Variants in CFAP299 observed in about 807,000 individuals in gnomAD.
CFAP299 encodes cilia and flagella associated protein 299, also known as cilia- and flagella-associated protein 299.
A neutral mutation model predicts 27.0 loss-of-function variants in CFAP299; 21 were observed. That is an observed-to-expected ratio of 0.78 (90% confidence interval 0.55 to 1.12). CFAP299 has a LOEUF of 1.12. Among genes scored for constraint, CFAP299 ranks in the 50% most tolerant of loss-of-function variants. The pLI, the probability that CFAP299 is intolerant of heterozygous loss-of-function variation, is 0.00. For missense variants in CFAP299, 310 were observed against 276.6 expected (o/e 1.12, Z -0.86); for synonymous variants, 104 against 98.1 (o/e 1.06, Z -0.36).
chr4:80,794,920 C>A (rs1727765281), intron 3 of CFAP299, among the ~76,000 whole-genome samples: 1 of 152,116 alleles, frequency 6.6e-6, no homozygotes, highest in African/African-American at 2.4e-5. Context: ...GCAAATGGGG[C>A]ACTCAACAGT....
chr4:80,342,300 G>A (rs185484570), intron 1 of CFAP299, among the ~76,000 whole-genome samples: 56 of 152,128 alleles, frequency 3.7e-4, no homozygotes, highest in African/African-American at 1.3e-3. Flanking sequence ...CAACATTCAG[G>A]TTCAGGAAAT....
intron 3 of CFAP299, among the ~76,000 whole-genome samples, chr4:80,845,798 A>T (rs2110143069): frequency 6.6e-6 from 1 of 152,262 alleles, no homozygotes; most frequent in East Asian, 1.9e-4. Flanking sequence ...TATAAAATAG[A>T]AATAGAAATA....
intron 3 of CFAP299, among the ~76,000 whole-genome samples, chr4:80,607,846 A>G (rs1737758179): frequency 1.3e-5 from 2 of 152,246 alleles, no homozygotes; most frequent in Middle Eastern, 3.4e-3. Context: ...CTTGCTTTCC[A>G]TTTCTTAATG....
intron 3 of CFAP299, among the ~76,000 whole-genome samples, chr4:80,760,953 T>A (rs1471126633): frequency 1.3e-5 from 2 of 152,118 alleles, no homozygotes; most frequent in African/African-American, 4.8e-5. Flanking sequence ...TTGGGACAAG[T>A]GAAAAGTTTC....
chr4:80,577,135 T>A (rs1735911163), intron 2 of CFAP299, among the ~76,000 whole-genome samples: 1 of 152,226 alleles, frequency 6.6e-6, no homozygotes, highest in Non-Finnish European at 1.5e-5. Flanking sequence ...GCTGCTTTGA[T>A]ATATTGTGAG....
chr4:80,388,155 G>T, intron 2 of CFAP299: 1 of 669,074 alleles, frequency 1.5e-6, no homozygotes, highest in South Asian at 1.7e-5. Flanking sequence ...TGGGGTGGAG[G>T]TGGTGAGGGC....
intron 2 of CFAP299, among the ~76,000 whole-genome samples, chr4:80,448,220 T>G (rs1728737470): frequency 6.6e-6 from 1 of 152,234 alleles, no homozygotes; most frequent in Admixed American, 6.5e-5. Context: ...TGTCAGCAGC[T>G]GGGTTGTGTC....
At chr4:80,421,072 A>G (rs1727265137) in intron 2 of CFAP299, among the ~76,000 whole-genome samples, 1 of 152,014 alleles carries the variant, frequency 6.6e-6, no homozygotes, top group African/African-American at 2.4e-5. Flanking sequence ...CTCTTTCCTT[A>G]TCTCCTCATA....
chr4:80,551,273 G>C (rs1351858655), intron 2 of CFAP299, among the ~76,000 whole-genome samples: 1 of 152,122 alleles, frequency 6.6e-6, no homozygotes, highest in African/African-American at 2.4e-5. Context: ...TGGTACATTA[G>C]ATTATGTAGG....
At position 80,706,919 on chromosome 4, in the gene CFAP299, A is replaced by G. The variant is rs182449367; in HGVS notation, c.333+123736A>G. ...TAAAATTGGAAGTAGGCGTGAATAT[A>G]CATTTATAAGTACCGCCCCTCTCCC... On this transcript the variant is annotated intron_variant, in intron 3 of 5. Coordinates refer to ENST00000358105, the MANE Select transcript of CFAP299 (RefSeq NM_152770.3). Among the ~76,000 whole-genome samples, 20 of 152,034 alleles carry G rather than the reference A, an allele frequency of 1.3e-4. No homozygotes were observed. In the East Asian group the frequency reaches 3.9e-3, roughly 29 times the overall value.
chr4:80,589,250 T>C (rs1477894804), intron 3 of CFAP299, among the ~76,000 whole-genome samples: 1 of 152,138 alleles, frequency 6.6e-6, no homozygotes, highest in Non-Finnish European at 1.5e-5. Context: ...TTTTGCCCAG[T>C]GTTCATGGTA....
chr4:80,412,680 G>A (rs1016380083), intron 2 of CFAP299, among the ~76,000 whole-genome samples: 1 of 152,130 alleles, frequency 6.6e-6, no homozygotes, highest in African/African-American at 2.4e-5. Context: ...TGCTCACTGA[G>A]GATGCTGAAG....
chr4:80,542,847 T>C (rs1734066552), intron 2 of CFAP299, among the ~76,000 whole-genome samples: 1 of 151,940 alleles, frequency 6.6e-6, no homozygotes. Flanking sequence ...CTTTGGAGCA[T>C]ATTTGCCTAT....
At chr4:80,950,694 C>A (rs1737731854) in intron 5 of CFAP299, among the ~76,000 whole-genome samples, 1 of 152,102 alleles carries the variant, frequency 6.6e-6, no homozygotes, top group African/African-American at 2.4e-5. Flanking sequence ...CAGCACAGAT[C>A]AGATATCAGA....
chr4:80,474,466 T>A (rs1578486400), intron 2 of CFAP299, among the ~76,000 whole-genome samples: 1 of 152,200 alleles, frequency 6.6e-6, no homozygotes, highest in Non-Finnish European at 1.5e-5. Context: ...ACTTTTAAAA[T>A]GTCCAAAAAT....
chr4:80,658,409 A>G (rs1283922418), intron 3 of CFAP299, among the ~76,000 whole-genome samples: 1 of 152,166 alleles, frequency 6.6e-6, no homozygotes, highest in Non-Finnish European at 1.5e-5. Context: ...ACATTCCATC[A>G]ATGCCTAGTT....
At chr4:80,470,001 T>C (rs564377853) in intron 2 of CFAP299, among the ~76,000 whole-genome samples, 1 of 152,298 alleles carries the variant, frequency 6.6e-6, no homozygotes, top group Non-Finnish European at 1.5e-5. Flanking sequence ...TTAAGAATAC[T>C]AGAAAAGTCT....
intron 3 of CFAP299, among the ~76,000 whole-genome samples, chr4:80,815,526 C>T (rs1405990415): frequency 6.6e-6 from 1 of 151,706 alleles, no homozygotes; most frequent in Admixed American, 6.6e-5. Context: ...AGTACTTGTG[C>T]TTATAATAAA....
At chr4:80,374,574 T>G (rs951012204) in intron 2 of CFAP299, among the ~76,000 whole-genome samples, 17 of 152,164 alleles carry the variant, frequency 1.1e-4, no homozygotes, top group South Asian at 2.1e-4. Flanking sequence ...AAACATCTAC[T>G]CATTTGTCCC....
Sources: allele counts gnomAD v4.1 joint callset (sites outside exome capture counted in the v4.1 genomes callset), GRCh38; gene constraint gnomAD v4.1.1; transcripts MANE v1.5; gene names NCBI Gene and HGNC (gene_info 2026-07-23, HGNC 2026-07-21).